Variants in PLPP3 observed in about 807,000 individuals in gnomAD.
The protein encoded by PLPP3 is PAP2 beta.
A neutral mutation model predicts 29.6 loss-of-function variants in PLPP3; 6 were observed. The ratio of observed to expected loss-of-function variants is 0.20; its 90% confidence interval spans 0.11 to 0.40. The LOEUF (loss-of-function observed/expected upper bound fraction) is 0.40. Among genes scored for constraint, PLPP3 ranks in the 10% least tolerant of loss-of-function variants. The pLI is 1.00. For missense variants in PLPP3, 308 were observed against 407.7 expected, an observed-to-expected ratio of 0.76 and a Z score of 2.11; for synonymous variants, 152 against 159.7, an observed-to-expected ratio of 0.95 and a Z score of 0.36.
At chr1:56,560,952 C>T (rs1468090112) in intron 1 of PLPP3, among the ~76,000 whole-genome samples, 1 of 151,462 alleles carries the variant, frequency 6.6e-6, no homozygotes, top group Non-Finnish European at 1.5e-5. Context: ...ATTCTCCTGC[C>T]TCAGCCTCCC....
At chr1:56,559,742 T>TA (rs1038673174) in intron 1 of PLPP3, among the ~76,000 whole-genome samples, 2 of 152,136 alleles carry the variant, frequency 1.3e-5, no homozygotes, top group Non-Finnish European at 2.9e-5. Flanking sequence ...CTGCACAAGG[T>TA]AAGAGTTTTG....
At chr1:56,557,333 G>A (rs922467451) in intron 1 of PLPP3, among the ~76,000 whole-genome samples, 4 of 151,218 alleles carry the variant, frequency 2.6e-5, no homozygotes, top group Admixed American at 6.6e-5. Flanking sequence ...AGCCAAAGAC[G>A]CACCACTGCA....
chr1:56,555,464 A>C (rs1172746513), intron 1 of PLPP3, among the ~76,000 whole-genome samples: 7 of 149,556 alleles, frequency 4.7e-5, no homozygotes, highest in African/African-American at 1.7e-4. Flanking sequence ...AAAAAAACAA[A>C]AAACAAACAA....
intron 1 of PLPP3, among the ~76,000 whole-genome samples, chr1:56,551,621 C>A (rs1474691634): frequency 6.6e-6 from 1 of 152,160 alleles, no homozygotes; most frequent in Admixed American, 6.5e-5. Flanking sequence ...TCTCTCCTAT[C>A]ATACCCCAGG....
chr1:56,508,742 A>G lies in PLPP3; in HGVS notation c.810+3234T>C, dbSNP rs541134499. Among the ~76,000 whole-genome samples the G allele has an allele frequency of 3.3e-5, 5 of 152,194 alleles. No homozygotes were observed. In the South Asian group the frequency reaches 1.0e-3, roughly 32 times the overall value. On this transcript the variant is annotated intron_variant, in intron 5 of 5. Transcript: ENST00000371250. ...ATTGCACAACCCTGATAAAGCTGCA[A>G]AACCCATGAGGCAGATGCCTGTCAT...
chr1:56,533,346 C>T (rs942060951), intron 2 of PLPP3, among the ~76,000 whole-genome samples: 1 of 152,074 alleles, frequency 6.6e-6, no homozygotes, highest in Non-Finnish European at 1.5e-5. Context: ...TTTGCCTGCT[C>T]GAGATGGGGT....
intron 4 of PLPP3, among the ~76,000 whole-genome samples, chr1:56,520,961 C>T (rs55869368): frequency 0.081 from 11,533 of 142,962 alleles, 451 homozygotes; most frequent in Middle Eastern, 0.13. Context: ...CGGCCTAGCA[C>T]GGAGGCTCAC....
chr1:56,578,744 C>A, intron 1 of PLPP3, 134 bp downstream of exon 1: 2 of 1,009,758 alleles, frequency 2.0e-6, no homozygotes, highest in East Asian at 7.6e-5. Flanking sequence ...GCAAAGGCTC[C>A]CCAGGAAGGC....
intron 2 of PLPP3, among the ~76,000 whole-genome samples, chr1:56,536,096 G>T (rs1404487608): frequency 6.6e-6 from 1 of 152,158 alleles, no homozygotes; most frequent in Admixed American, 6.6e-5. Flanking sequence ...CTGTCCCTGT[G>T]CTTTTCTTAT....
chr1:56,579,084 C>A lies in PLPP3; in HGVS notation c.-68G>T. On this transcript the variant is annotated 5_prime_UTR_variant, in exon 1 of 6. Transcript: ENST00000371250. ...CCGCAACAGCAGCCACACACCCAGG[C>A]GCCCGGGTCGCCTCCTGGCCGAGGC... 6.4e-7 allele frequency: 1 copy of A among 1,553,838 alleles called. No individual in the cohort carries two copies. The highest frequency in any genetic ancestry group is 8.6e-7 in the Non-Finnish European group (1 of 1,158,942).
Position 56,524,201 on chromosome 1 carries a change from C to T in PLPP3, c.575+76G>A. On this transcript the variant is annotated intron_variant, in intron 3 of 5. Transcript: ENST00000371250. The surrounding 1 kb of genome is among the most constrained non-coding windows in gnomAD (Gnocchi z 4.3). ...CTTATTCACCCATCTAAACCAGGGC[C>T]CAGCTAGTAAGTGCTCACTGAACTG... 6.5e-7 allele frequency: 1 copy of T among 1,541,948 alleles called. No individual in the cohort carries two copies. The highest frequency in any genetic ancestry group is 8.8e-7 in the Non-Finnish European group (1 of 1,132,106).
chr1:56,526,579 A>G (rs978437907), intron 2 of PLPP3, among the ~76,000 whole-genome samples: 2 of 152,144 alleles, frequency 1.3e-5, no homozygotes, highest in African/African-American at 4.8e-5. Context: ...TTCCTTATTT[A>G]TAAGTCATAT....
intron 4 of PLPP3, among the ~76,000 whole-genome samples, chr1:56,514,712 T>C (rs1016765994): frequency 2.0e-5 from 3 of 152,162 alleles, no homozygotes; most frequent in African/African-American, 7.2e-5. Flanking sequence ...ATCTACCTAT[T>C]TGAATCACAA....
intron 2 of PLPP3, among the ~76,000 whole-genome samples, chr1:56,536,030 A>C (rs1365985735): frequency 6.6e-6 from 1 of 152,186 alleles, no homozygotes; most frequent in Non-Finnish European, 1.5e-5. Context: ...GTCTGGGAGC[A>C]GCCCACTAGG....
At position 56,522,670 on chromosome 1, in the gene PLPP3, T is replaced by TG. The variant is rs982663574; in HGVS notation, c.633+1152dup. 1.5e-4 allele frequency among the ~76,000 whole-genome samples: 22 copies of TG among 149,774 alleles called. No homozygotes were observed. The East Asian group carries it at 4.3e-3, about 30-fold the overall frequency. ...AGAGGCCTCTAAACTTAGAAAGGATTGGGGGGAAAAATAAATAAATAAAAC... is the reference window on the plus strand; with the variant it reads ...AGAGGCCTCTAAACTTAGAAAGGATTGGGGGGGAAAAATAAATAAATAAAAC... On this transcript the variant is annotated intron_variant, in intron 4 of 5. Coordinates refer to ENST00000371250, the MANE Select transcript of PLPP3 (RefSeq NM_003713.5).
intron 5 of PLPP3, among the ~76,000 whole-genome samples, chr1:56,510,827 C>G (rs1011040212): frequency 1.1e-4 from 16 of 152,164 alleles, no homozygotes; most frequent in Non-Finnish European, 1.3e-4. Context: ...ATATATATTA[C>G]ACATGGTCCC....
intron 4 of PLPP3, 50 bp downstream of exon 4, chr1:56,523,773 G>C (rs763150984): frequency 1.3e-6 from 2 of 1,555,508 alleles, no homozygotes; most frequent in Admixed American, 1.7e-5. Flanking sequence ...ATATCAGAAG[G>C]GATCGAAGCT....
intron 1 of PLPP3, among the ~76,000 whole-genome samples, chr1:56,560,984 C>T (rs990414439): frequency 2.6e-5 from 4 of 150,986 alleles, no homozygotes; most frequent in Non-Finnish European, 4.4e-5. Flanking sequence ...ATTACAGGCG[C>T]CTGCCACCAT....
At chr1:56,514,382 T>C (rs1176098083) in intron 4 of PLPP3, among the ~76,000 whole-genome samples, 2 of 152,046 alleles carry the variant, frequency 1.3e-5, no homozygotes, top group Non-Finnish European at 2.9e-5. Flanking sequence ...AAACTTCAAA[T>C]AGTTCAGTAT....
Sources: gnomAD v4.1 joint callset for allele counts (sites outside exome capture counted in the v4.1 genomes callset) on GRCh38, gnomAD v4.1.1 for gene constraint, Gnocchi (gnomAD v3.1) non-coding constraint, MANE v1.5 for transcripts, NCBI Gene and HGNC (gene_info 2026-07-23, HGNC 2026-07-21) for gene names.